The following EPHA6 variants were observed in gnomAD, a reference collection of about 807,000 sequenced individuals.
EPHA6 encodes EPH receptor A6.
Under a neutral mutation model 112.0 loss-of-function variants are expected in EPHA6, and 50 were observed. The observed-to-expected ratio is 0.45, with a 90% confidence interval of 0.36 to 0.56. The LOEUF (loss-of-function observed/expected upper bound fraction) is 0.56. EPHA6 is among the 20% of genes least tolerant of loss of function. EPHA6 has a pLI of 0.00. For synonymous variants in EPHA6, 529 were observed against 490.7 expected, an observed-to-expected ratio of 1.08 and a Z score of -1.03; for missense variants, 1,280 against 1,417.4, an observed-to-expected ratio of 0.90 and a Z score of 1.56.
At chr3:97,306,533 C>G (rs2081327608) in intron 5 of EPHA6, among the ~76,000 whole-genome samples, 1 of 151,696 alleles carries the variant, frequency 6.6e-6, no homozygotes, top group African/African-American at 2.4e-5. Flanking sequence ...TCCCCTTCCT[C>G]TTACTTTCCC....
intron 2 of EPHA6, among the ~76,000 whole-genome samples, chr3:96,936,729 A>G (rs2040605650): frequency 6.6e-6 from 1 of 152,064 alleles, no homozygotes; most frequent in Admixed American, 6.6e-5. Context: ...ATTTAGCTTT[A>G]GGTATATCTC....
chr3:97,424,634 T>A (rs1053624654), intron 6 of EPHA6, among the ~76,000 whole-genome samples: 1 of 151,572 alleles, frequency 6.6e-6, no homozygotes, highest in Admixed American at 6.6e-5. Flanking sequence ...TGAAACCCCA[T>A]CTCTACTAAA....
intron 2 of EPHA6, among the ~76,000 whole-genome samples, chr3:96,959,987 A>G (rs2041900646): frequency 6.6e-6 from 1 of 152,148 alleles, no homozygotes; most frequent in Admixed American, 6.6e-5. Context: ...TAAAATAACT[A>G]TTTCATTTTG....
rs182023742 is a variant in EPHA6 at position 97,293,240 on chromosome 3, G to A, written c.1606+48953G>A. ...TCAAAGGCAGATCATCCTGGCTAGC[G>A]TCCACCTCTCAGCAAAGAGGACACT... On this transcript the variant is annotated intron_variant, in intron 5 of 17. Transcript: ENST00000389672. Among the ~76,000 whole-genome samples, 49 of 151,132 alleles carry A rather than the reference G, an allele frequency of 3.2e-4. No individual in the cohort carries two copies. In the East Asian group the frequency reaches 8.1e-3, roughly 25 times the overall value.
rs143391468 is a variant in EPHA6 at position 97,025,649 on chromosome 3, C to T, written c.1114+37656C>T. Among the ~76,000 whole-genome samples, 33 of 152,190 alleles carry T rather than the reference C, an allele frequency of 2.2e-4. 1 individual carries two copies. In the East Asian group the frequency reaches 2.5e-3, roughly 12 times the overall value. ...CTTTCGCCAGGCTAGTGTGCAGTGG[C>T]GCGATCTCCGCTCACTGCAACCTCT... On this transcript the variant is annotated intron_variant, in intron 3 of 17. Transcript: ENST00000389672.
At chr3:97,053,585 A>G (rs193235014) in intron 3 of EPHA6, among the ~76,000 whole-genome samples, 7 of 152,232 alleles carry the variant, frequency 4.6e-5, no homozygotes, top group Admixed American at 1.3e-4. Flanking sequence ...GAATGGGCAC[A>G]TCTCAAACAG....
At position 97,258,251 on chromosome 3, in the gene EPHA6, TACAC is replaced by T. The variant is rs368778044; in HGVS notation, c.1606+13984_1606+13987del. Among the ~76,000 whole-genome samples, 119 of 147,428 alleles carry T rather than the reference TACAC, an allele frequency of 8.1e-4. 1 individual carries two copies. Among genetic ancestry groups the T allele is most frequent in the South Asian group, 5.8e-3 (27 of 4,694 alleles). On this transcript the variant is annotated intron_variant, in intron 5 of 17. Coordinates refer to ENST00000389672, the MANE Select transcript of EPHA6 (RefSeq NM_001080448.3). ...GTGATTGTGTATGAGTATATATATA[TACAC>T]ACACACACACACACACACATACATA...
chr3:97,744,659 A>C (rs911102006), intron 16 of EPHA6, among the ~76,000 whole-genome samples: 1 of 151,976 alleles, frequency 6.6e-6, no homozygotes, highest in Non-Finnish European at 1.5e-5. Flanking sequence ...GAAATAGGCT[A>C]TTTAAGTCAT....
intron 5 of EPHA6, among the ~76,000 whole-genome samples, chr3:97,282,708 G>A (rs536773436): frequency 6.6e-6 from 1 of 152,070 alleles, no homozygotes; most frequent in Non-Finnish European, 1.5e-5. Flanking sequence ...GAAGCTGGAA[G>A]CCATTATCTT....
chr3:97,399,343 T>A (rs1481772500), intron 5 of EPHA6, among the ~76,000 whole-genome samples: 6 of 151,750 alleles, frequency 4.0e-5, no homozygotes, highest in Admixed American at 1.3e-4. Flanking sequence ...TATTCATCTG[T>A]TGATGGATAC....
At chr3:97,665,988 C>G (rs1387112052) in intron 14 of EPHA6, among the ~76,000 whole-genome samples, 1 of 149,788 alleles carries the variant, frequency 6.7e-6, no homozygotes, top group South Asian at 2.1e-4. Context: ...ACCAGGGAGG[C>G]GGAGGTTGCA....
intron 6 of EPHA6, among the ~76,000 whole-genome samples, chr3:97,418,644 G>T (rs1363547856): frequency 6.6e-6 from 1 of 151,904 alleles, no homozygotes. Context: ...ACAAAAAGAG[G>T]GAGTTTGTCA....
chr3:97,651,739 A>G (rs2094108807), intron 14 of EPHA6, among the ~76,000 whole-genome samples: 1 of 152,132 alleles, frequency 6.6e-6, no homozygotes, highest in African/African-American at 2.4e-5. Context: ...GAGAAAGATC[A>G]ATCAGCACAT....
intron 3 of EPHA6, among the ~76,000 whole-genome samples, chr3:97,050,835 A>G (rs1437461734): frequency 1.3e-5 from 2 of 152,180 alleles, no homozygotes; most frequent in Non-Finnish European, 2.9e-5. Context: ...GAAGTTTACC[A>G]TGAAATTATA....
intron 14 of EPHA6, among the ~76,000 whole-genome samples, chr3:97,649,609 T>C (rs1258044330): frequency 1.3e-5 from 2 of 152,082 alleles, no homozygotes; most frequent in Non-Finnish European, 2.9e-5. Flanking sequence ...AATGCTATGA[T>C]GTGAAGATTT....
chr3:97,607,362 C>T lies in EPHA6; in HGVS notation c.2513-3431C>T, dbSNP rs577306892. Among the ~76,000 whole-genome samples, 7 of 151,034 alleles carry T rather than the reference C, an allele frequency of 4.6e-5. No individual in the cohort carries two copies. In the South Asian group the frequency reaches 1.2e-3, roughly 27 times the overall value. ...CAAAATCATCATAAGTATTAGGGAA[C>T]ATTTGAAAAATATATATTGGTCAAT... On this transcript the variant is annotated intron_variant, in intron 12 of 17. Coordinates refer to ENST00000389672, the MANE Select transcript of EPHA6 (RefSeq NM_001080448.3).
In EPHA6 at chr3:97,369,822, C is replaced by A. The variant is rs1267449803; in HGVS notation, c.1607-35328C>A. 2.0e-5 allele frequency among the ~76,000 whole-genome samples: 3 copies of A among 151,764 alleles called. No individual in the cohort carries two copies. In the East Asian group the frequency reaches 5.8e-4, roughly 29 times the overall value. On this transcript the variant is annotated intron_variant, in intron 5 of 17. Transcript: ENST00000389672. ...TAGACTTATAGCTCCAGTTATTTACCAAATTTAGGAGTATACTACTTTTAT... is the reference window on the plus strand; with the variant it reads ...TAGACTTATAGCTCCAGTTATTTACAAAATTTAGGAGTATACTACTTTTAT...
chr3:97,371,756 C>A (rs142888877), intron 5 of EPHA6, among the ~76,000 whole-genome samples: 3,751 of 152,188 alleles, frequency 0.025, 109 homozygotes, highest in African/African-American at 0.078. Flanking sequence ...TTGCTGAATT[C>A]TTTTTCTCAG....
At position 96,815,027 on chromosome 3, in the gene EPHA6, G is replaced by C. The variant is rs754972423; in HGVS notation, c.385+19G>C. 21 of 1,489,506 alleles carry C rather than the reference G, an allele frequency of 1.4e-5. No homozygotes were observed. The South Asian group carries it at 2.7e-4, about 19-fold the overall frequency. 92.3% of individuals were successfully genotyped at this position (1,489,506 alleles called of 1,614,324 possible). ...AACCAAGGTAAGGGACGGGGCGGAG[G>C]AGCGGGAGTGGGTGGGAGGAGGAGG... is the stretch of plus-strand genomic sequence containing the variant. On this transcript the variant is annotated intron_variant, in intron 1 of 17. Transcript: ENST00000389672.
Sources: allele counts gnomAD v4.1 joint callset (sites outside exome capture counted in the v4.1 genomes callset), GRCh38; gene constraint gnomAD v4.1.1; transcripts MANE v1.5; gene names NCBI Gene and HGNC (gene_info 2026-07-23, HGNC 2026-07-21).